PEX5L: variants seen among roughly 807,000 people sequenced by gnomAD.
PEX5L encodes peroxisomal biogenesis factor 5 like.
PEX5L carries 30 observed loss-of-function variants against 84.0 expected under a neutral mutation model. That is an observed-to-expected ratio of 0.36 (90% CI 0.27 to 0.48). The LOEUF is 0.48. Ranked by LOEUF, PEX5L falls within the 20% of genes least tolerant of loss-of-function variation. The probability of loss-of-function intolerance (pLI) is 0.99; values close to 1 mark genes in which losing one functional copy is unlikely to be tolerated. For missense variants in PEX5L, 533 were observed against 754.6 expected (o/e 0.71, Z 3.44); for synonymous variants, 270 against 283.1 (o/e 0.95, Z 0.46).
chr3:179,954,847 T>A (rs556362778), intron 2 of PEX5L, among the ~76,000 whole-genome samples: 27 of 152,270 alleles, frequency 1.8e-4, no homozygotes, highest in African/African-American at 6.3e-4. Flanking sequence ...GGATGCTGTC[T>A]GGCACATAGT....
At chr3:179,858,774 A>T (rs551230812) in intron 8 of PEX5L, among the ~76,000 whole-genome samples, 45 of 152,328 alleles carry the variant, frequency 3.0e-4, no homozygotes, top group African/African-American at 9.9e-4. Context: ...GACTAGACTC[A>T]GAGTTCTTTC....
chr3:179,817,258 A>G (rs1269823746), intron 9 of PEX5L, among the ~76,000 whole-genome samples: 1 of 152,206 alleles, frequency 6.6e-6, no homozygotes, highest in African/African-American at 2.4e-5. Flanking sequence ...AATAACTGGT[A>G]TTTTCTATGA....
intron 1 of PEX5L, among the ~76,000 whole-genome samples, chr3:180,002,884 C>G (rs1788550413): frequency 1.3e-5 from 2 of 151,986 alleles, no homozygotes; most frequent in African/African-American, 4.8e-5. Context: ...AATCAGGAAA[C>G]AATTGCAATA....
At chr3:179,836,968 T>C (rs1482532631) in intron 8 of PEX5L, among the ~76,000 whole-genome samples, 1 of 152,186 alleles carries the variant, frequency 6.6e-6, no homozygotes, top group African/African-American at 2.4e-5. Flanking sequence ...AAAAAATTAG[T>C]CTTACTTTGA....
At chr3:179,859,281 C>A in intron 7 of PEX5L, 124 bp from the exon 8 acceptor site, 1 of 710,400 alleles carries the variant, frequency 1.4e-6, no homozygotes. Context: ...TGACTGATGA[C>A]ATTTTTGGAG....
At chr3:179,927,927 T>G (rs1771914908) in intron 2 of PEX5L, among the ~76,000 whole-genome samples, 1 of 152,220 alleles carries the variant, frequency 6.6e-6, no homozygotes, top group African/African-American at 2.4e-5. Flanking sequence ...AATTATCATT[T>G]CAATATGTGA....
intron 1 of PEX5L, among the ~76,000 whole-genome samples, chr3:180,031,998 T>C (rs571455496): frequency 2.0e-5 from 3 of 152,378 alleles, no homozygotes; most frequent in African/African-American, 7.2e-5. Flanking sequence ...TTGTGTTTCT[T>C]ATAGTAAGTA....
In PEX5L at chr3:179,809,537, T is replaced by C. The variant is rs770533815; in HGVS notation, c.1286A>G (p.Tyr429Cys). The change falls in exon 12 of 15, where the codon TAC (tyrosine) becomes TGC (cysteine). Residue 429 changes from tyrosine to cysteine, a missense_variant. By Grantham distance (194) the Tyr-to-Cys change is radical. Coordinates refer to ENST00000467460, the MANE Select transcript of PEX5L (RefSeq NM_016559.3). Reference sequence around the variant, plus strand: ...AGATCCCTTCTTGCTTTTCACAAGGTATTTGTACTTTGGATTTTGCTTAAT... The same window carrying C: ...AGATCCCTTCTTGCTTTTCACAAGGCATTTGTACTTTGGATTTTGCTTAAT... ...NWIKQNPKYK[Y>C]LVKSKKGSPG... 6.2e-7 allele frequency: 1 copy of C among 1,614,034 alleles called. No homozygotes were observed. Among genetic ancestry groups the C allele is most frequent in the Non-Finnish European group, 8.5e-7 (1 of 1,179,990 alleles).
At chr3:179,903,087 C>T (rs1017257370) in intron 2 of PEX5L, among the ~76,000 whole-genome samples, 2 of 152,010 alleles carry the variant, frequency 1.3e-5, no homozygotes, top group African/African-American at 2.4e-5. Context: ...ATAATACCAG[C>T]AATTAAACAA....
chr3:180,004,225 A>T (rs999723046), intron 1 of PEX5L, among the ~76,000 whole-genome samples: 1 of 152,256 alleles, frequency 6.6e-6, no homozygotes, highest in Non-Finnish European at 1.5e-5. Flanking sequence ...CGTAATGTTT[A>T]GAGACCACTG....
At chr3:179,901,367 G>A (rs763309207) in intron 2 of PEX5L, among the ~76,000 whole-genome samples, 1 of 152,036 alleles carries the variant, frequency 6.6e-6, no homozygotes, top group African/African-American at 2.4e-5. Flanking sequence ...CCAAAGGGTC[G>A]GTTTTCATCT....
chr3:179,941,051 A>G (rs1775951672), intron 2 of PEX5L, among the ~76,000 whole-genome samples: 1 of 152,260 alleles, frequency 6.6e-6, no homozygotes, highest in Non-Finnish European at 1.5e-5. Flanking sequence ...ATTGAAATGT[A>G]ACAGTGGCAG....
At chr3:179,889,546 A>G (rs1175382738) in intron 3 of PEX5L, among the ~76,000 whole-genome samples, 5 of 152,194 alleles carry the variant, frequency 3.3e-5, no homozygotes, top group Non-Finnish European at 7.4e-5. Flanking sequence ...TTTAACGTTC[A>G]AGTTACAGGG....
intron 2 of PEX5L, among the ~76,000 whole-genome samples, chr3:179,945,740 C>T (rs932019685): frequency 6.6e-6 from 1 of 152,198 alleles, no homozygotes; most frequent in African/African-American, 2.4e-5. Context: ...TGGCGTGGAG[C>T]TTTCTGCTTC....
At chr3:179,929,974 G>A (rs192004888) in intron 2 of PEX5L, among the ~76,000 whole-genome samples, 157 of 152,228 alleles carry the variant, frequency 1.0e-3, no homozygotes, top group African/African-American at 3.7e-3. Flanking sequence ...AGGTTTTTAT[G>A]TCTGAGTTGC....
At chr3:179,863,526 G>A (rs1219369310) in intron 7 of PEX5L, among the ~76,000 whole-genome samples, 1 of 152,116 alleles carries the variant, frequency 6.6e-6, no homozygotes, top group Non-Finnish European at 1.5e-5. Context: ...AAAAGGACCT[G>A]AATGGACATT....
At chr3:179,931,821 G>A (rs1164179980) in intron 2 of PEX5L, among the ~76,000 whole-genome samples, 1 of 152,062 alleles carries the variant, frequency 6.6e-6, no homozygotes, top group Non-Finnish European at 1.5e-5. Flanking sequence ...TATAATGAAA[G>A]AAATAGAAAT....
chr3:179,802,532 C>CAAAAA (rs369244711), intron 14 of PEX5L, among the ~76,000 whole-genome samples: 1,046 of 68,922 alleles, frequency 0.015, no homozygotes, highest in Non-Finnish European at 0.02. Flanking sequence ...GAGACTGTCT[C>CAAAAA]AAAAAAAAAA....
chr3:179,960,278 A>G (rs1205116971), intron 2 of PEX5L, among the ~76,000 whole-genome samples: 1 of 152,242 alleles, frequency 6.6e-6, no homozygotes, highest in Non-Finnish European at 1.5e-5. Flanking sequence ...ACATAGGCAG[A>G]AGGAAGAGCA....
Sources: gnomAD v4.1 joint callset for allele counts (sites outside exome capture counted in the v4.1 genomes callset) on GRCh38, gnomAD v4.1.1 for gene constraint, MANE v1.5 for transcripts, NCBI Gene and HGNC (gene_info 2026-07-23, HGNC 2026-07-21) for gene names.